Variants in PCDHA2 observed in about 807,000 individuals in gnomAD.
PCDHA2 encodes protocadherin alpha 2, also known as protocadherin alpha-2.
PCDHA2 carries 58 observed loss-of-function variants against 66.0 expected under a neutral mutation model. That is an observed-to-expected ratio of 0.88 (90% CI 0.71 to 1.09). The LOEUF (loss-of-function observed/expected upper bound fraction) is 1.09. Among genes scored for constraint, PCDHA2 ranks in the 50% least tolerant of loss-of-function variants. The pLI, the probability that PCDHA2 is intolerant of heterozygous loss-of-function variation, is 0.00. For missense variants in PCDHA2, 1,267 were observed against 1,242.3 expected, an observed-to-expected ratio of 1.02 and a Z score of -0.30; for synonymous variants, 634 against 554.0, an observed-to-expected ratio of 1.14 and a Z score of -2.03.
intron 1 of PCDHA2, chr5:140,803,426 C>G (rs782209415): frequency 6.2e-7 from 1 of 1,614,198 alleles, no homozygotes; most frequent in Non-Finnish European, 8.5e-7. Context: ...TGTGCTCCAG[C>G]GCGGTGGGGA....
chr5:140,970,059 G>C (rs2096380498), intron 1 of PCDHA2, among the ~76,000 whole-genome samples: 1 of 152,150 alleles, frequency 6.6e-6, no homozygotes. Context: ...GTCCAGGGAG[G>C]TATTAGAATG....
chr5:140,893,107 G>A (rs1324641421), intron 1 of PCDHA2, among the ~76,000 whole-genome samples: 4 of 152,226 alleles, frequency 2.6e-5, no homozygotes, highest in East Asian at 1.9e-4. Flanking sequence ...ATAATATTCC[G>A]TTGTGCATAT....
chr5:140,808,858 C>G (rs1451689285), intron 1 of PCDHA2: 1 of 1,612,970 alleles, frequency 6.2e-7, no homozygotes, highest in Non-Finnish European at 8.5e-7. Flanking sequence ...TCGTGCTGGA[C>G]GAAAACGACA....
intron 3 of PCDHA2, among the ~76,000 whole-genome samples, chr5:140,996,604 A>G (rs1554255259): frequency 1.3e-5 from 2 of 152,090 alleles, no homozygotes; most frequent in African/African-American, 4.8e-5. Flanking sequence ...CCCCATTTTC[A>G]TTTGGCAAAT....
At chr5:140,966,764 G>T in intron 1 of PCDHA2, 1 of 1,475,264 alleles carries the variant, frequency 6.8e-7, no homozygotes, top group Non-Finnish European at 9.0e-7. Context: ...GCGGCCAGTG[G>T]CTATGGAGCA....
intron 3 of PCDHA2, among the ~76,000 whole-genome samples, chr5:140,993,767 G>T (rs115607244): frequency 1.3e-5 from 2 of 152,010 alleles, no homozygotes; most frequent in African/African-American, 4.8e-5. Flanking sequence ...TTACAATTGC[G>T]CAGTATTTTG....
chr5:140,823,474 C>T (rs17844296), intron 1 of PCDHA2: 6 of 1,613,348 alleles, frequency 3.7e-6, no homozygotes, highest in African/African-American at 1.3e-5. Flanking sequence ...GCTGCTGGTG[C>T]CTCGAGTGGG....
chr5:140,889,120 T>G (rs1335268200), intron 1 of PCDHA2, among the ~76,000 whole-genome samples: 1 of 151,966 alleles, frequency 6.6e-6, no homozygotes, highest in Non-Finnish European at 1.5e-5. Context: ...CAGGTGATAC[T>G]GATATGTCCT....
At chr5:140,882,561 G>A in intron 1 of PCDHA2, 2 of 1,614,222 alleles carry the variant, frequency 1.2e-6, no homozygotes, top group Non-Finnish European at 1.7e-6. Flanking sequence ...CTGTGTGGGC[G>A]GAGCGCGGAG....
chr5:141,000,375 C>G (rs1253953172), intron 3 of PCDHA2, among the ~76,000 whole-genome samples: 8 of 57,690 alleles, frequency 1.4e-4, no homozygotes, highest in Non-Finnish European at 1.9e-4. Context: ...CTCTCTCTCT[C>G]TCTCTCTCTC....
At chr5:140,921,333 A>G (rs1245281166) in intron 1 of PCDHA2, among the ~76,000 whole-genome samples, 1 of 152,182 alleles carries the variant, frequency 6.6e-6, no homozygotes, top group Admixed American at 6.5e-5. Flanking sequence ...GTCTGGTCCA[A>G]TCACATAATA....
At chr5:140,802,740 G>C in intron 1 of PCDHA2, 1 of 1,612,596 alleles carries the variant, frequency 6.2e-7, no homozygotes, top group Non-Finnish European at 8.5e-7. Flanking sequence ...CGCGGAGAGC[G>C]GCAAGGTGTA....
At chr5:140,865,675 A>G (rs564629506) in intron 1 of PCDHA2, 8 of 152,324 alleles carry the variant, frequency 5.3e-5, no homozygotes, top group African/African-American at 1.9e-4. Flanking sequence ...AACAATTTCT[A>G]AAGTACATAT....
intron 1 of PCDHA2, chr5:140,807,099 G>T: frequency 1.4e-6 from 2 of 1,404,386 alleles, no homozygotes; most frequent in Non-Finnish European, 2.0e-6. Context: ...AAATATGGAG[G>T]ATGCAGCTGC....
intron 1 of PCDHA2, chr5:140,877,314 G>C (rs2057020187): frequency 6.2e-7 from 1 of 1,613,972 alleles, no homozygotes; most frequent in Non-Finnish European, 8.5e-7. Flanking sequence ...TGCAACCGGC[G>C]GCGGTCGGCG....
chr5:140,803,193 C>G (rs781991461), intron 1 of PCDHA2: 3 of 1,613,786 alleles, frequency 1.9e-6, no homozygotes, highest in Admixed American at 1.7e-5. Context: ...GGCCACTGTG[C>G]TGGTGTCGCT....
intron 3 of PCDHA2, among the ~76,000 whole-genome samples, chr5:140,995,405 T>G (rs1203404732): frequency 2.6e-5 from 4 of 152,154 alleles, no homozygotes; most frequent in African/African-American, 9.7e-5. Context: ...TGGCTCGAGA[T>G]TTCATCACAT....
Position 140,917,330 on chromosome 5 carries a change from A to AG in PCDHA2, c.2389-61611dup, listed in dbSNP as rs1425400137. Among the ~76,000 whole-genome samples the AG allele has an allele frequency of 2.5e-4, 26 of 103,228 alleles. 2 individuals carry two copies. The highest frequency in any genetic ancestry group is 3.2e-4 in the East Asian group (1 of 3,132). The allele number at this position is 103,228 out of a possible 152,430, so 67.7% of individuals were successfully genotyped here. On this transcript the variant is annotated intron_variant, in intron 1 of 3. Coordinates refer to ENST00000526136, the MANE Select transcript of PCDHA2 (RefSeq NM_018905.3). Reference sequence around the variant, plus strand: ...CAATTTGGTGTTCATGTGGCGGGGGAGGGGGGGGATGGTGTAGGCTTCTGT... The same window carrying AG: ...CAATTTGGTGTTCATGTGGCGGGGGAGGGGGGGGGATGGTGTAGGCTTCTGT...
chr5:140,801,857 A>G, intron 1 of PCDHA2: 1 of 1,614,138 alleles, frequency 6.2e-7, no homozygotes, highest in Non-Finnish European at 8.5e-7. Context: ...GTGGGAAACC[A>G]GAGCTCACTG....
Sources: gnomAD v4.1 joint callset for allele counts (sites outside exome capture counted in the v4.1 genomes callset) on GRCh38, gnomAD v4.1.1 for gene constraint, MANE v1.5 for transcripts, NCBI Gene and HGNC (gene_info 2026-07-23, HGNC 2026-07-21) for gene names.